CELSR1: variants seen among roughly 807,000 people sequenced by gnomAD.
CELSR1 encodes cadherin EGF LAG seven-pass G-type receptor 1, also known as adhesion G protein-coupled receptor C1.
In CELSR1, 110 loss-of-function variants were observed where a neutral mutation model predicts 249.1. That is an observed-to-expected ratio of 0.44 (90% confidence interval 0.38 to 0.52). CELSR1 has a LOEUF of 0.52. Ranked by LOEUF, CELSR1 falls within the 20% of genes least tolerant of loss-of-function variation. The pLI, the probability that CELSR1 is intolerant of heterozygous loss-of-function variation, is 0.00. For missense variants in CELSR1, 4,109 were observed against 4,296.4 expected, an observed-to-expected ratio of 0.96 and a Z score of 1.22; for synonymous variants, 2,113 against 1,900.0, an observed-to-expected ratio of 1.11 and a Z score of -2.92.
At chr22:46,507,263 GCA>G (rs1262516469) in intron 1 of CELSR1, among the ~76,000 whole-genome samples, 1 of 152,178 alleles carries the variant, frequency 6.6e-6, no homozygotes, top group Non-Finnish European at 1.5e-5. Context: ...CCCAGAGAGA[GCA>G]CAGAGGCCAC....
Position 46,413,557 on chromosome 22 carries a change from C to T in CELSR1, c.4612-1798G>A, listed in dbSNP as rs891074756. 3.3e-5 allele frequency among the ~76,000 whole-genome samples: 5 copies of T among 152,228 alleles called. No homozygotes were observed. The highest frequency in any genetic ancestry group is 7.2e-5 in the African/African-American group (3 of 41,458). On this transcript the variant is annotated intron_variant, in intron 5 of 34. Coordinates refer to ENST00000674500, the MANE Select transcript of CELSR1 (RefSeq NM_001378328.1). The surrounding 1 kb of genome is among the most constrained non-coding windows in gnomAD (Gnocchi z 4.7). ...ATTGAGGATGATATCAACAGAGATA[C>T]GTGAGTTTCCCACACGCCCTTGTCT...
chr22:46,419,232 T>A (rs2079437716), intron 5 of CELSR1, among the ~76,000 whole-genome samples: 1 of 152,136 alleles, frequency 6.6e-6, no homozygotes, highest in Non-Finnish European at 1.5e-5. Context: ...GGGGATTTGC[T>A]CAGAGGGGGG....
intron 2 of CELSR1, among the ~76,000 whole-genome samples, chr22:46,456,551 T>A (rs1326378085): frequency 6.6e-6 from 1 of 150,538 alleles, no homozygotes; most frequent in Non-Finnish European, 1.5e-5. Context: ...TAGTCCCAGC[T>A]ACTCGGGAGG....
rs976197906 is a variant in CELSR1, at chr22:46,454,137, C to G, written c.4183+9570G>C. 4.6e-5 allele frequency among the ~76,000 whole-genome samples: 7 copies of G among 152,110 alleles called. 1 individual carries two copies. The East Asian group carries it at 1.4e-3, about 29-fold the overall frequency. ...AGGTGCTAGTGGTGGAAGCAGGGGT[C>G]GGAGTGAGGTGAGGAAGGTGCCAGG... On this transcript the variant is annotated intron_variant, in intron 2 of 34. Transcript: ENST00000674500. The surrounding 1 kb of genome is among the most constrained non-coding windows in gnomAD (Gnocchi z 5.1).
rs1274972035 is a variant in CELSR1 at position 46,536,154 on chromosome 22, G to A, written c.1017C>T (p.Ile339=). Residue 339 remains isoleucine, a synonymous_variant, in exon 1 of 35, where the codon ATC becomes ATT. Transcript: ENST00000674500. ...CGTTGGTGTCTTTGACCAAGACAGTGATGTAGGTGGTGGCCGAGCGCGGCG... is the reference window on the plus strand; with the variant it reads ...CGTTGGTGTCTTTGACCAAGACAGTAATGTAGGTGGTGGCCGAGCGCGGCG... The part of the protein sequence containing the change: ...STPPRSATTY[I]TVLVKDTNDH... 3.7e-6 allele frequency: 6 copies of A among 1,612,970 alleles called. No individual in the cohort carries two copies. Among genetic ancestry groups the A allele is most frequent in the African/African-American group, 1.3e-5 (1 of 75,080 alleles).
At position 46,536,335 on chromosome 22, in the gene CELSR1, C is replaced by A. The variant is rs754607549; in HGVS notation, c.836G>T (p.Arg279Leu). 2 of 1,612,596 alleles carry A rather than the reference C, an allele frequency of 1.2e-6. No homozygotes were observed. Among genetic ancestry groups the A allele is most frequent in the African/African-American group, 2.7e-5 (2 of 74,952 alleles). The change falls in exon 1 of 35, where the codon CGC becomes CTC. Residue 279 changes from arginine (R) to leucine (L), a missense_variant. Transcript: ENST00000674500. ...AHYTIEGEEE[R>L]VSYYMEGLFD... The stretch of plus-strand genomic sequence containing the variant: ...CAGCCCCTCCATGTAATAGCTCACG[C>A]GCTCCTCCTCGCCCTCGATGGTGTA...
chr22:46,418,980 C>G (rs557041502), intron 5 of CELSR1, among the ~76,000 whole-genome samples: 1 of 152,310 alleles, frequency 6.6e-6, no homozygotes, highest in African/African-American at 2.4e-5. Context: ...CAGCACTGGA[C>G]GGAGATAAGC....
In CELSR1 at chr22:46,366,863, G is replaced by A. The variant is rs576969604; in HGVS notation, c.8205+130C>T. 3.4e-5 allele frequency: 45 copies of A among 1,305,088 alleles called. No individual in the cohort carries two copies. The South Asian group carries it at 3.6e-4, about 11-fold the overall frequency. The allele number at this position is 1,305,088 out of a possible 1,614,324, so 80.8% of individuals were successfully genotyped here. A position where few individuals can be genotyped will look rare whatever the true frequency, so the allele number is the denominator to read the frequency against. ...ACGCGGCAGCCACACCGTGCACCGC[G>A]GGCGGCTCTGCCATCCCCACCGTGA... is the stretch of plus-strand genomic sequence containing the variant. On this transcript the variant is annotated intron_variant, in intron 29 of 34. Coordinates refer to ENST00000674500, the MANE Select transcript of CELSR1 (RefSeq NM_001378328.1).
chr22:46,466,464 T>TC (rs2080097716), intron 1 of CELSR1, among the ~76,000 whole-genome samples: 1 of 152,120 alleles, frequency 6.6e-6, no homozygotes, highest in African/African-American at 2.4e-5. Context: ...AAGGCAGCAC[T>TC]CCCGTCCAGG....
chr22:46,466,511 C>A (rs2080098160), intron 1 of CELSR1, among the ~76,000 whole-genome samples: 1 of 152,204 alleles, frequency 6.6e-6, no homozygotes, highest in South Asian at 2.1e-4. Context: ...CCAGATGTGA[C>A]CCACCGGGCT....
chr22:46,403,167 A>G (rs2079226035), intron 9 of CELSR1, among the ~76,000 whole-genome samples: 1 of 152,190 alleles, frequency 6.6e-6, no homozygotes, highest in Non-Finnish European at 1.5e-5. Flanking sequence ...CAAGATTACT[A>G]AGAGAAGTAA....
At chr22:46,400,861 A>AG (rs2079203772) in intron 9 of CELSR1, among the ~76,000 whole-genome samples, 1 of 151,968 alleles carries the variant, frequency 6.6e-6, no homozygotes, top group South Asian at 2.1e-4. Context: ...CTGAGGTGGA[A>AG]GGATCACTCA....
At position 46,363,971 on chromosome 22, in the gene CELSR1, C is replaced by T. The variant is rs562954711; in HGVS notation, c.9035+25G>A. On this transcript the variant is annotated intron_variant, in intron 34 of 34. Transcript: ENST00000674500. This position sits in a 1 kb window ranked among gnomAD's most constrained non-coding sequence, Gnocchi z 4.3. ...GGACAAGGGGGAAGTGGGTGATCCCCGCCCTGGAGGCCCAGGCTACTCACT... is the reference window on the plus strand; with the variant it reads ...GGACAAGGGGGAAGTGGGTGATCCCTGCCCTGGAGGCCCAGGCTACTCACT... The T allele has an allele frequency of 2.8e-5, 44 of 1,563,840 alleles. No individual in the cohort carries two copies. In the East Asian group the frequency reaches 7.0e-4, roughly 25 times the overall value.
intron 1 of CELSR1, among the ~76,000 whole-genome samples, chr22:46,487,891 T>C (rs2080330681): frequency 1.4e-5 from 1 of 73,526 alleles, no homozygotes; most frequent in African/African-American, 5.3e-5. Context: ...GTCCAGCTGA[T>C]GGGGGTATAT....
intron 1 of CELSR1, among the ~76,000 whole-genome samples, chr22:46,470,849 G>A (rs2080148384): frequency 6.6e-6 from 1 of 152,176 alleles, no homozygotes; most frequent in Non-Finnish European, 1.5e-5. Flanking sequence ...AACAGGCCAG[G>A]AGCAGTGGCT....
intron 19 of CELSR1, among the ~76,000 whole-genome samples, chr22:46,385,343 CA>C (rs1244267079): frequency 6.6e-6 from 1 of 152,224 alleles, no homozygotes; most frequent in Non-Finnish European, 1.5e-5. Context: ...GCAATCTGCC[CA>C]TCTCAGCCTC....
intron 2 of CELSR1, among the ~76,000 whole-genome samples, chr22:46,443,325 G>A (rs546175849): frequency 1.3e-5 from 2 of 152,318 alleles, no homozygotes; most frequent in South Asian, 2.1e-4. Flanking sequence ...CTCCACCCCA[G>A]GAGTCAGGGC....
Position 46,454,173 on chromosome 22 carries a change from C to T in CELSR1, c.4183+9534G>A, listed in dbSNP as rs1257222183. ...GAGGAAGGTGCCAGGGACTAAGGAC[C>T]AGGTGGCCTCCAGCAGCTGAGGAAG... On this transcript the variant is annotated intron_variant, in intron 2 of 34. Transcript: ENST00000674500. This position sits in a 1 kb window ranked among gnomAD's most constrained non-coding sequence, Gnocchi z 5.1. Among the ~76,000 whole-genome samples, 2 of 152,064 alleles carry T rather than the reference C, an allele frequency of 1.3e-5. No homozygotes were observed. Among genetic ancestry groups the T allele is most frequent in the Non-Finnish European group, 2.9e-5 (2 of 67,992 alleles).
Position 46,406,073 on chromosome 22 carries a change from C to T in CELSR1, c.5226+2923G>A, listed in dbSNP as rs758841201. ...CATGATGTAATTACACAAACAGCAC[C>T]GGAGTCTGTGGCTTCCAGCACCATT... On this transcript the variant is annotated intron_variant, in intron 9 of 34. Coordinates refer to ENST00000674500, the MANE Select transcript of CELSR1 (RefSeq NM_001378328.1). This position sits in a 1 kb window ranked among gnomAD's most constrained non-coding sequence, Gnocchi z 5.4. 2.6e-5 allele frequency among the ~76,000 whole-genome samples: 4 copies of T among 152,162 alleles called. No individual in the cohort carries two copies. The highest frequency in any genetic ancestry group is 5.9e-5 in the Non-Finnish European group (4 of 68,038).
Sources: allele counts gnomAD v4.1 joint callset (sites outside exome capture counted in the v4.1 genomes callset), GRCh38; gene constraint gnomAD v4.1.1; non-coding constraint Gnocchi (gnomAD v3.1); transcripts MANE v1.5; gene names NCBI Gene and HGNC (gene_info 2026-07-23, HGNC 2026-07-21).